Variants in CCDC171 observed in about 807,000 individuals in gnomAD.
The protein encoded by CCDC171 is coiled-coil domain-containing protein 171.
In CCDC171, 177 loss-of-function variants were observed where a neutral mutation model predicts 168.2. The observed-to-expected ratio is 1.05, with a 90% CI of 0.93 to 1.19. The LOEUF (loss-of-function observed/expected upper bound fraction) is 1.19. CCDC171 is among the 50% of genes most tolerant of loss of function. The probability of loss-of-function intolerance (pLI) is 0.00; values close to 1 mark genes in which losing one functional copy is unlikely to be tolerated. For missense variants in CCDC171, 1,991 were observed against 1,539.0 expected (o/e 1.29, Z -4.91); for synonymous variants, 687 against 540.8 (o/e 1.27, Z -3.75).
At chr9:16,089,671 T>C in the CCDC171 span, among the ~76,000 whole-genome samples, 1 of 152,058 alleles carries the variant, frequency 6.6e-6, no homozygotes, top group South Asian at 2.1e-4. Flanking sequence ...CAGAAAACTT[T>C]TGCAATCTAT....
chr9:15,561,699 C>G (rs2039314112), intron 1 of CCDC171, among the ~76,000 whole-genome samples: 1 of 152,104 alleles, frequency 6.6e-6, no homozygotes, highest in Admixed American at 6.6e-5. Flanking sequence ...CATCATAGTT[C>G]ATATTCAGCC....
intron 12 of CCDC171, among the ~76,000 whole-genome samples, chr9:15,722,163 A>T (rs1042846168): frequency 3.3e-5 from 5 of 152,190 alleles, no homozygotes; most frequent in Admixed American, 6.5e-5. Flanking sequence ...GAAAAACACT[A>T]TGCAAGTAGT....
chr9:16,097,253 G>C, the CCDC171 span, among the ~76,000 whole-genome samples: 1 of 152,174 alleles, frequency 6.6e-6, no homozygotes, highest in African/African-American at 2.4e-5. Flanking sequence ...TGGGGAAATT[G>C]GTTCCCACTT....
chr9:15,707,319 G>T (rs10810432), intron 11 of CCDC171, among the ~76,000 whole-genome samples: 61,941 of 151,950 alleles, frequency 0.41, 14,416 homozygotes, highest in East Asian at 0.78. Flanking sequence ...TACATTTTTT[G>T]ACTTTTCTTA....
chr9:15,797,210 A>G (rs990728706), intron 21 of CCDC171, among the ~76,000 whole-genome samples: 2 of 152,068 alleles, frequency 1.3e-5, no homozygotes, highest in Non-Finnish European at 2.9e-5. Flanking sequence ...ACCATGTGAT[A>G]TTTGATTGAT....
chr9:15,658,031 A>G (rs2048067011), intron 8 of CCDC171, among the ~76,000 whole-genome samples: 1 of 152,206 alleles, frequency 6.6e-6, no homozygotes, highest in South Asian at 2.1e-4. Flanking sequence ...GACAGACCTT[A>G]TGGTCCACAA....
At chr9:15,643,607 C>A (rs1051673374) in intron 7 of CCDC171, among the ~76,000 whole-genome samples, 3 of 152,160 alleles carry the variant, frequency 2.0e-5, no homozygotes, top group African/African-American at 7.2e-5. Flanking sequence ...TAAAAGTATA[C>A]AATTCAATGC....
At chr9:16,092,037 G>A in the CCDC171 span, among the ~76,000 whole-genome samples, 1 of 152,184 alleles carries the variant, frequency 6.6e-6, no homozygotes, top group Non-Finnish European at 1.5e-5. Flanking sequence ...CCAGGTCTAA[G>A]TGGTACATTT....
chr9:15,720,404 C>T (rs1564281215), intron 11 of CCDC171, among the ~76,000 whole-genome samples: 1 of 152,070 alleles, frequency 6.6e-6, no homozygotes, highest in Non-Finnish European at 1.5e-5. Context: ...AGAGGCTATA[C>T]CTTTCTTGTT....
chr9:15,817,220 C>T lies in CCDC171; in HGVS notation c.3268-29482C>T, dbSNP rs574296925. The stretch of plus-strand genomic sequence containing the variant: ...GAAAAGGTGTACAGTGGGGTGGAGC[C>T]AAGATGGCCAAATAGGAACAGCTCC... On this transcript the variant is annotated intron_variant, in intron 21 of 25. Transcript: ENST00000380701. Among the ~76,000 whole-genome samples the T allele has an allele frequency of 3.4e-5, 4 of 117,634 alleles. 1 individual carries two copies. The South Asian group carries it at 1.1e-3, about 33-fold the overall frequency. The allele number at this position is 117,634 out of a possible 152,430, so 77.2% of individuals were successfully genotyped here.
intron 1 of CCDC171, among the ~76,000 whole-genome samples, chr9:16,055,655 C>G (rs1479898078): frequency 6.6e-6 from 1 of 152,208 alleles, no homozygotes; most frequent in Non-Finnish European, 1.5e-5. Flanking sequence ...TTTCTTGATG[C>G]CTATCCTCAT....
intron 7 of CCDC171, among the ~76,000 whole-genome samples, chr9:15,651,697 T>A (rs1171193269): frequency 6.6e-6 from 1 of 152,206 alleles, no homozygotes; most frequent in Non-Finnish European, 1.5e-5. Context: ...CTTTTTTTTA[T>A]GGCCAAGTAG....
chr9:15,682,119 T>C (rs1366520896), intron 10 of CCDC171, among the ~76,000 whole-genome samples: 1 of 152,090 alleles, frequency 6.6e-6, no homozygotes, highest in East Asian at 1.9e-4. Flanking sequence ...TTAAAGTCAC[T>C]ATCCTCTATA....
At chr9:15,702,083 T>C (rs1415614520) in intron 11 of CCDC171, among the ~76,000 whole-genome samples, 1 of 152,196 alleles carries the variant, frequency 6.6e-6, no homozygotes, top group Non-Finnish European at 1.5e-5. Context: ...TCCTTATACA[T>C]CTCAGAGCTC....
intron 18 of CCDC171, among the ~76,000 whole-genome samples, chr9:15,768,049 T>A (rs2056827946): frequency 6.6e-6 from 1 of 150,454 alleles, no homozygotes; most frequent in African/African-American, 2.4e-5. Flanking sequence ...AGCTATGTTT[T>A]TATTCCTTGT....
Position 15,779,191 on chromosome 9 carries a change from T to C in CCDC171, c.3081+41T>C, listed in dbSNP as rs1011000614. On this transcript the variant is annotated intron_variant, in intron 20 of 25. Transcript: ENST00000380701. ...TTAGGAAACTGTTGCTTTGCTGATA[T>C]ATATTTCTTTATCTCTATATCCTTT... 39 of 1,164,774 alleles carry C rather than the reference T, an allele frequency of 3.3e-5. 1 individual carries two copies. Among genetic ancestry groups the C allele is most frequent in the Non-Finnish European group, 4.0e-5 (35 of 871,372 alleles). 72.2% of individuals were successfully genotyped at this position (1,164,774 alleles called of 1,614,324 possible).
intron 11 of CCDC171, among the ~76,000 whole-genome samples, chr9:15,716,193 G>A (rs367759928): frequency 6.6e-4 from 100 of 152,220 alleles, no homozygotes; most frequent in African/African-American, 2.2e-3. Flanking sequence ...ATAGACAGAG[G>A]GAGAGAGAAG....
chr9:15,909,037 T>C (rs1470010547), intron 24 of CCDC171, among the ~76,000 whole-genome samples: 3 of 152,200 alleles, frequency 2.0e-5, no homozygotes, highest in African/African-American at 7.2e-5. Context: ...GTGATGGGCA[T>C]GGGGAATCAG....
intron 21 of CCDC171, 93 bp downstream of exon 21, chr9:15,784,787 C>G: frequency 1.1e-6 from 1 of 918,346 alleles, no homozygotes; most frequent in Non-Finnish European, 1.6e-6. Context: ...AGGAATAGAT[C>G]CCAAGATGTA....
Sources: allele counts gnomAD v4.1 joint callset (sites outside exome capture counted in the v4.1 genomes callset), GRCh38; gene constraint gnomAD v4.1.1; transcripts MANE v1.5; gene names NCBI Gene and HGNC (gene_info 2026-07-23, HGNC 2026-07-21).